COL5A1: variants seen among roughly 807,000 people sequenced by gnomAD.
The protein encoded by COL5A1 is collagen type V alpha 1 chain.
COL5A1 carries 16 observed loss-of-function variants against 263.7 expected under a neutral mutation model. The observed-to-expected ratio is 0.06, with a 90% CI of 0.04 to 0.09. COL5A1 has a LOEUF of 0.09. Ranked by LOEUF, COL5A1 falls within the 10% of genes least tolerant of loss-of-function variation. The pLI is 1.00. For synonymous variants in COL5A1, 1,012 were observed against 1,004.5 expected, an observed-to-expected ratio of 1.01 and a Z score of -0.14; for missense variants, 2,036 against 2,540.5, an observed-to-expected ratio of 0.80 and a Z score of 4.27.
chr9:134,711,200 G>A (rs986196359), intron 4 of COL5A1, among the ~76,000 whole-genome samples: 3 of 152,120 alleles, frequency 2.0e-5, no homozygotes, highest in African/African-American at 7.2e-5. Flanking sequence ...AGTCAGCTCG[G>A]AGGCCAGGTT....
At chr9:134,679,725 G>A (rs1832798097) in intron 1 of COL5A1, among the ~76,000 whole-genome samples, 1 of 148,524 alleles carries the variant, frequency 6.7e-6, no homozygotes, top group African/African-American at 2.5e-5. Context: ...GCTGGTTACG[G>A]GGCACTGTGG....
intron 2 of COL5A1, among the ~76,000 whole-genome samples, chr9:134,694,709 G>T (rs566026506): frequency 6.6e-6 from 1 of 152,196 alleles, no homozygotes; most frequent in Non-Finnish European, 1.5e-5. Context: ...TGGCACCAGG[G>T]AGATGAGGCT....
intron 65 of COL5A1, among the ~76,000 whole-genome samples, chr9:134,839,057 G>A (rs1839936568): frequency 6.6e-6 from 1 of 152,254 alleles, no homozygotes; most frequent in African/African-American, 2.4e-5. Flanking sequence ...CGGGCCAGCG[G>A]CAAAAGCCCT....
chr9:134,657,166 G>T (rs1335215373), intron 1 of COL5A1, among the ~76,000 whole-genome samples: 9 of 17,112 alleles, frequency 5.3e-4, no homozygotes, highest in African/African-American at 1.6e-3. Flanking sequence ...TAATATGGGG[G>T]TTGGGGCAGG....
chr9:134,740,818 A>C (rs753180665), intron 11 of COL5A1, among the ~76,000 whole-genome samples: 1 of 152,154 alleles, frequency 6.6e-6, no homozygotes, highest in Non-Finnish European at 1.5e-5. Flanking sequence ...AAGGGCCCTG[A>C]CTGGAGAATA....
chr9:134,714,687 T>C (rs945276999), intron 4 of COL5A1, among the ~76,000 whole-genome samples: 2 of 143,974 alleles, frequency 1.4e-5, no homozygotes, highest in African/African-American at 5.2e-5. Flanking sequence ...GTGGTGATGC[T>C]GGTGAAGGTG....
chr9:134,772,518 A>G (rs894320818), intron 25 of COL5A1, among the ~76,000 whole-genome samples: 4 of 152,150 alleles, frequency 2.6e-5, no homozygotes, highest in Non-Finnish European at 5.9e-5. Flanking sequence ...TACTCCCCGC[A>G]AGTCTCTGGC....
At chr9:134,808,596 T>C (rs1460888175) in intron 42 of COL5A1, among the ~76,000 whole-genome samples, 5 of 151,336 alleles carry the variant, frequency 3.3e-5, no homozygotes, top group Non-Finnish European at 7.3e-5. Flanking sequence ...TATTCACACG[T>C]GTGCACATGC....
intron 18 of COL5A1, among the ~76,000 whole-genome samples, chr9:134,760,815 C>T (rs1044534773): frequency 6.7e-6 from 1 of 149,146 alleles, no homozygotes; most frequent in Non-Finnish European, 1.5e-5. Context: ...GACACACCCC[C>T]ACATGCATAC....
intron 6 of COL5A1, among the ~76,000 whole-genome samples, chr9:134,729,013 G>C (rs555737699): frequency 6.6e-6 from 1 of 152,238 alleles, no homozygotes; most frequent in Non-Finnish European, 1.5e-5. Context: ...TGAGGAGGAC[G>C]TTGGGAGATG....
Position 134,784,806 on chromosome 9 carries a change from T to A in COL5A1, c.2485-183T>A, listed in dbSNP as rs7865167. 0.11 allele frequency among the ~76,000 whole-genome samples: 16,330 copies of A among 152,210 alleles called. 1,179 individuals are homozygous for A. The highest frequency in any genetic ancestry group is 0.2 in the African/African-American group (8,201 of 41,506). ...GGGAGCCCGGGAATTCGCGGTACAA[T>A]GCGCTCGCTTTGTCAGTGGCTCCGG... On this transcript the variant is annotated intron_variant, in intron 29 of 65. Transcript: ENST00000371817.
At chr9:134,807,170 C>A (rs1838324753) in intron 42 of COL5A1, among the ~76,000 whole-genome samples, 1 of 152,264 alleles carries the variant, frequency 6.6e-6, no homozygotes, top group Non-Finnish European at 1.5e-5. Context: ...CCAATTTAAT[C>A]TCAACTTCTC....
At chr9:134,717,009 G>C (rs1205213589) in intron 4 of COL5A1, among the ~76,000 whole-genome samples, 1 of 146,500 alleles carries the variant, frequency 6.8e-6, no homozygotes, top group Non-Finnish European at 1.5e-5. Flanking sequence ...TGAAAACCAT[G>C]GAAAAAATTA....
At chr9:134,792,245 G>T (rs1351538577) in intron 32 of COL5A1, among the ~76,000 whole-genome samples, 1 of 152,216 alleles carries the variant, frequency 6.6e-6, no homozygotes, top group Non-Finnish European at 1.5e-5. Flanking sequence ...TTTTAGCCAG[G>T]GGGAATGGCA....
At chr9:134,825,125 A>T (rs935260703) in intron 62 of COL5A1, among the ~76,000 whole-genome samples, 1 of 152,154 alleles carries the variant, frequency 6.6e-6, no homozygotes, top group Non-Finnish European at 1.5e-5. Context: ...TGGCGGGGTG[A>T]CCTGCTTGAA....
At chr9:134,654,331 G>T (rs1469607353) in intron 1 of COL5A1, among the ~76,000 whole-genome samples, 2 of 130,704 alleles carry the variant, frequency 1.5e-5, no homozygotes, top group Non-Finnish European at 1.6e-5. Context: ...GCTGGGGTGT[G>T]TGTAGGGCTG....
Position 134,755,026 on chromosome 9 carries a change from A to G in COL5A1, c.1827+700A>G, listed in dbSNP as rs571626196. Among the ~76,000 whole-genome samples, 87 of 152,334 alleles carry G rather than the reference A, an allele frequency of 5.7e-4. No homozygotes were observed. The highest frequency in any genetic ancestry group is 1.9e-3 in the African/African-American group (79 of 41,584). On this transcript the variant is annotated intron_variant, in intron 16 of 65. Transcript: ENST00000371817. The surrounding 1 kb of genome is among the most constrained non-coding windows in gnomAD (Gnocchi z 4.1). The stretch of plus-strand genomic sequence containing the variant: ...CCCTTGACTGCTATAGTCTGAGTCA[A>G]CAAGGCAAAAATGGGTCCTTCCCTA...
Position 134,750,731 on chromosome 9 carries a change from T to C in COL5A1, c.1570-59T>C, listed in dbSNP as rs12686426. ...GGCCTGTGGGCCCCGTCTCAGTCTG[T>C]GGTCTTGCCTGGGTGCCACGTCACT... On this transcript the variant is annotated intron_variant, in intron 12 of 65. Coordinates refer to ENST00000371817, the MANE Select transcript of COL5A1 (RefSeq NM_000093.5). 0.23 allele frequency: 373,008 copies of C among 1,600,184 alleles called. 44,635 individuals carry two copies. Among genetic ancestry groups the C allele is most frequent in the East Asian group, 0.33 (14,599 of 44,754 alleles).
chr9:134,811,237 CGT>C, intron 44 of COL5A1, 100 bp from the exon 45 acceptor site: 1 of 1,000,378 alleles, frequency 1.0e-6, no homozygotes, highest in East Asian at 2.4e-5. Flanking sequence ...GAACTGACGA[CGT>C]TGGATGCATC....
Sources: gnomAD v4.1 joint callset for allele counts (sites outside exome capture counted in the v4.1 genomes callset) on GRCh38, gnomAD v4.1.1 for gene constraint, Gnocchi (gnomAD v3.1) non-coding constraint, MANE v1.5 for transcripts, NCBI Gene and HGNC (gene_info 2026-07-23, HGNC 2026-07-21) for gene names.